Variants in PDGFRL observed in about 807,000 individuals in gnomAD.
PDGFRL encodes platelet-derived growth factor receptor-like protein.
PDGFRL carries 46 observed loss-of-function variants against 37.2 expected under a neutral mutation model. The observed-to-expected ratio is 1.24, with a 90% CI of 0.98 to 1.58. The LOEUF is 1.58. Among genes scored for constraint, PDGFRL ranks in the 40% most tolerant of loss-of-function variants. PDGFRL has a pLI of 0.00. For missense variants in PDGFRL, 692 were observed against 467.6 expected, an observed-to-expected ratio of 1.48 and a Z score of -4.43; for synonymous variants, 251 against 184.3, an observed-to-expected ratio of 1.36 and a Z score of -2.93.
Position 17,628,571 on chromosome 8 carries a change from G to A in PDGFRL, c.590G>A (p.Arg197Gln), listed in dbSNP as rs747664777. The A allele has an allele frequency of 2.5e-6, 4 of 1,614,040 alleles. No homozygotes were observed. The highest frequency in any genetic ancestry group is 2.2e-5 in the East Asian group (1 of 44,870). ...GACAGACAGGCTGTGGTTCCTTGTC[G>A]GGTGACCGTGCTGTCGGCCAAAGTC... The part of the protein sequence containing the change: ...NPDRQAVVPC[R>Q]VTVLSAKVTL... The change falls in exon 4 of 6, where the codon CGG becomes CAG. Residue 197 changes from arginine to glutamine, a missense_variant. Transcript: ENST00000251630.
chr8:17,601,985 G>T (rs910279202), intron 2 of PDGFRL, among the ~76,000 whole-genome samples: 11 of 152,122 alleles, frequency 7.2e-5, no homozygotes, highest in African/African-American at 2.4e-4. Context: ...TACATACTTG[G>T]TAATGGGATT....
intron 2 of PDGFRL, among the ~76,000 whole-genome samples, chr8:17,616,062 A>C (rs1218693024): frequency 6.6e-6 from 1 of 152,226 alleles, no homozygotes; most frequent in Non-Finnish European, 1.5e-5. Context: ...GTGAAGCCAG[A>C]CTGTGGAAGA....
Position 17,589,571 on chromosome 8 carries a change from G to A in PDGFRL, c.159G>A (p.Lys53=), listed in dbSNP as rs866737865. The part of the protein sequence containing the change: ...KKVKPKIPKM[K]DRDSANSAPK... ...TGAAGCCCAAAATTCCTAAAATGAA[G>A]GACAGGGACTCAGCCAATTCAGCAC... Residue 53 remains lysine (K), a synonymous_variant, in exon 2 of 6, where the codon AAG becomes AAA. Coordinates refer to ENST00000251630, the MANE Select transcript of PDGFRL (RefSeq NM_001372073.1). 2 of 1,613,752 alleles carry A rather than the reference G, an allele frequency of 1.2e-6. No individual in the cohort carries two copies. The highest frequency in any genetic ancestry group is 1.7e-6 in the Non-Finnish European group (2 of 1,179,674).
chr8:17,577,325 C>CG lies in PDGFRL; in HGVS notation c.55+22dup. On this transcript the variant is annotated intron_variant, in intron 1 of 5. Transcript: ENST00000251630. Reference sequence around the variant, plus strand: ...GGAGGATGGTGAGTGACTCTGGGCGCGGGGCCACCTAGCTTGTGCCCTGAC... The same window carrying CG: ...GGAGGATGGTGAGTGACTCTGGGCGCGGGGGCCACCTAGCTTGTGCCCTGAC... 6.2e-7 allele frequency: 1 copy of CG among 1,605,348 alleles called. No homozygotes were observed. The highest frequency in any genetic ancestry group is 1.1e-5 in the South Asian group (1 of 90,062).
rs1803607004 is a variant in PDGFRL, at chr8:17,577,315, ACT to A, written c.55+11_55+12del. The A allele has an allele frequency of 6.2e-7, 1 of 1,609,474 alleles. No homozygotes were observed. The highest frequency in any genetic ancestry group is 8.5e-7 in the Non-Finnish European group (1 of 1,178,120). ...ACGAAGCGCTGGAGGATGGTGAGTG[ACT>A]CTGGGCGCGGGGCCACCTAGCTTGT... On this transcript the variant is annotated intron_variant, in intron 1 of 5. Transcript: ENST00000251630.
intron 4 of PDGFRL, among the ~76,000 whole-genome samples, chr8:17,631,987 C>T (rs996607347): frequency 2.0e-5 from 3 of 152,302 alleles, no homozygotes; most frequent in Middle Eastern, 3.4e-3. Context: ...ACGTGTCCGC[C>T]GTCCACCTCA....
At position 17,628,818 on chromosome 8, in the gene PDGFRL, C is replaced by A. The variant is rs1205562367; in HGVS notation, c.799+38C>A. On this transcript the variant is annotated intron_variant, in intron 4 of 5. Transcript: ENST00000251630. ...ACCCCTGCCTAGATTCTAGTTAGTC[C>A]CCTGGTCAGTTTCAGGTACTGCTGT... is the stretch of plus-strand genomic sequence containing the variant. The A allele has an allele frequency of 3.4e-6, 5 of 1,478,334 alleles. No homozygotes were observed. The African/African-American group carries it at 4.1e-5, about 12-fold the overall frequency. 91.6% of individuals were successfully genotyped at this position (1,478,334 alleles called of 1,614,324 possible).
chr8:17,640,109 G>A (rs949856579), intron 5 of PDGFRL, among the ~76,000 whole-genome samples: 2 of 152,130 alleles, frequency 1.3e-5, no homozygotes, highest in Non-Finnish European at 1.5e-5. Flanking sequence ...CTCTAAGTGT[G>A]TTCTTCATTT....
chr8:17,599,599 C>T (rs1418067625), intron 2 of PDGFRL, among the ~76,000 whole-genome samples: 2 of 152,224 alleles, frequency 1.3e-5, no homozygotes, highest in East Asian at 1.9e-4. Flanking sequence ...TGGAAGGAGC[C>T]GTACAGCTCG....
At chr8:17,613,817 C>G (rs1804470212) in intron 2 of PDGFRL, among the ~76,000 whole-genome samples, 1 of 152,080 alleles carries the variant, frequency 6.6e-6, no homozygotes, top group South Asian at 2.1e-4. Flanking sequence ...GGAGGTCACA[C>G]CACTGCCCTC....
intron 2 of PDGFRL, among the ~76,000 whole-genome samples, chr8:17,610,383 C>T (rs1201266341): frequency 6.6e-6 from 1 of 152,136 alleles, no homozygotes; most frequent in Non-Finnish European, 1.5e-5. Flanking sequence ...ACTTTTTGAG[C>T]AATATGACAT....
At chr8:17,592,608 C>G (rs1803962902) in intron 2 of PDGFRL, among the ~76,000 whole-genome samples, 1 of 152,168 alleles carries the variant, frequency 6.6e-6, no homozygotes, top group Admixed American at 6.5e-5. Context: ...CTCAAAAGCG[C>G]CAGGCTCCTG....
intron 3 of PDGFRL, among the ~76,000 whole-genome samples, chr8:17,627,588 G>T (rs992735963): frequency 1.3e-5 from 2 of 151,410 alleles, no homozygotes; most frequent in African/African-American, 4.9e-5. Flanking sequence ...TCATGCTTCA[G>T]CCTCCCATGT....
chr8:17,631,470 G>A (rs1804859879), intron 4 of PDGFRL, among the ~76,000 whole-genome samples: 1 of 152,044 alleles, frequency 6.6e-6, no homozygotes, highest in Admixed American at 6.6e-5. Flanking sequence ...TATTCAGCAG[G>A]CCATGCCCCT....
intron 2 of PDGFRL, among the ~76,000 whole-genome samples, chr8:17,607,685 T>C (rs964559664): frequency 2.6e-4 from 40 of 152,212 alleles, no homozygotes; most frequent in Non-Finnish European, 3.7e-4. Context: ...CAAGTAAGTA[T>C]ACATGTGGGT....
intron 1 of PDGFRL, among the ~76,000 whole-genome samples, chr8:17,582,909 C>A (rs141956581): frequency 6.6e-6 from 1 of 152,064 alleles, no homozygotes; most frequent in Non-Finnish European, 1.5e-5. Context: ...GCTCTTCTGC[C>A]GTGCACCACC....
intron 4 of PDGFRL, among the ~76,000 whole-genome samples, chr8:17,631,392 G>A (rs936220111): frequency 5.3e-5 from 8 of 152,064 alleles, no homozygotes; most frequent in East Asian, 3.9e-4. Context: ...CAGTAGCCCC[G>A]AGAGTGAGCT....
chr8:17,597,084 G>C (rs568592407), intron 2 of PDGFRL, among the ~76,000 whole-genome samples: 1 of 152,258 alleles, frequency 6.6e-6, no homozygotes, highest in Admixed American at 6.5e-5. Flanking sequence ...GCAGTGGCAC[G>C]ATCTCAGCTC....
chr8:17,605,524 G>T (rs1005652038), intron 2 of PDGFRL, among the ~76,000 whole-genome samples: 1 of 152,128 alleles, frequency 6.6e-6, no homozygotes, highest in Non-Finnish European at 1.5e-5. Flanking sequence ...CACTTCCAGG[G>T]TGTAAAGCCA....
Sources: allele counts gnomAD v4.1 joint callset (sites outside exome capture counted in the v4.1 genomes callset), GRCh38; gene constraint gnomAD v4.1.1; transcripts MANE v1.5; gene names NCBI Gene and HGNC (gene_info 2026-07-23, HGNC 2026-07-21).